The following PCDHGA1 variants were observed in gnomAD, a reference collection of about 807,000 sequenced individuals.
PCDHGA1 encodes the protein protocadherin gamma-A1.
In PCDHGA1, 32 loss-of-function variants were observed where a neutral mutation model predicts 58.0. That is an observed-to-expected ratio of 0.55 (90% CI 0.42 to 0.74). The LOEUF is 0.74. PCDHGA1 is among the 30% of genes least tolerant of loss of function. The pLI is 0.00. For synonymous variants in PCDHGA1, 498 were observed against 501.1 expected (o/e 0.99, Z 0.08); for missense variants, 1,205 against 1,182.3 (o/e 1.02, Z -0.28).
At chr5:141,370,718 G>C (rs752810801) in intron 1 of PCDHGA1, 2 of 1,613,818 alleles carry the variant, frequency 1.2e-6, no homozygotes, top group Non-Finnish European at 1.7e-6. Context: ...AATTTGAAAT[G>C]GTTGCTGAAA....
intron 1 of PCDHGA1, among the ~76,000 whole-genome samples, chr5:141,474,311 G>T (rs1374954373): frequency 1.3e-5 from 2 of 152,134 alleles, no homozygotes. Context: ...AAACTTTAAT[G>T]TGTTTTCAAA....
intron 1 of PCDHGA1, chr5:141,383,516 G>A (rs757438983): frequency 3.0e-5 from 49 of 1,612,406 alleles, no homozygotes; most frequent in Non-Finnish European, 3.6e-5. Flanking sequence ...GAGGAAGAGC[G>A]GGTTCACCAC....
chr5:141,399,853 C>G, intron 1 of PCDHGA1: 1 of 1,612,978 alleles, frequency 6.2e-7, no homozygotes, highest in Non-Finnish European at 8.5e-7. Flanking sequence ...TATGGTGCCG[C>G]GCGCTGCAGA....
At chr5:141,365,532 A>G in intron 1 of PCDHGA1, 1 of 1,613,862 alleles carries the variant, frequency 6.2e-7, no homozygotes, top group Non-Finnish European at 8.5e-7. Context: ...GTTGATAATT[A>G]CTATCACCTA....
At chr5:141,442,294 C>A (rs1194203452) in intron 1 of PCDHGA1, 1 of 152,584 alleles carries the variant, frequency 6.6e-6, no homozygotes, top group Admixed American at 6.5e-5. Context: ...ATGATCCTGT[C>A]TGAGTCTTTC....
At chr5:141,364,396 G>T in intron 1 of PCDHGA1, 3 of 1,604,434 alleles carry the variant, frequency 1.9e-6, no homozygotes, top group Non-Finnish European at 2.6e-6. Context: ...TCCTGGGGAC[G>T]CTGTGCGAGC....
At chr5:141,353,287 T>C (rs747205699) in intron 1 of PCDHGA1, among the ~76,000 whole-genome samples, 3 of 152,228 alleles carry the variant, frequency 2.0e-5, no homozygotes, top group Non-Finnish European at 4.4e-5. Flanking sequence ...GTCATTTTAT[T>C]CTTAGCTCTT....
At chr5:141,420,211 T>C (rs759486952) in intron 1 of PCDHGA1, 11 of 1,612,388 alleles carry the variant, frequency 6.8e-6, no homozygotes, top group African/African-American at 1.3e-5. Context: ...TCAACAAAGA[T>C]AGCATGCTAC....
intron 1 of PCDHGA1, chr5:141,427,590 C>A: frequency 1.5e-6 from 1 of 679,008 alleles, no homozygotes; most frequent in Non-Finnish European, 2.7e-6. Flanking sequence ...CAGCACAAGC[C>A]TCACCCTACG....
Position 141,417,739 on chromosome 5 carries a change from C to G in PCDHGA1, c.2422-77068C>G, listed in dbSNP as rs1002260902. On this transcript the variant is annotated intron_variant, in intron 1 of 3. Transcript: ENST00000517417. The stretch of plus-strand genomic sequence containing the variant: ...GGCTGCGCAGACCTTGCCCAGCACA[C>G]CAGATTGCCAGCTCCGAGACCCGGG... 1.6e-5 allele frequency: 22 copies of G among 1,411,706 alleles called. No homozygotes were observed. In the African/African-American group the frequency reaches 1.7e-4, roughly 11 times the overall value. The allele number at this position is 1,411,706 out of a possible 1,614,324, so 87.4% of individuals were successfully genotyped here.
At chr5:141,375,396 T>C (rs962120197) in intron 1 of PCDHGA1, 56 of 1,613,744 alleles carry the variant, frequency 3.5e-5, no homozygotes, top group Non-Finnish European at 4.6e-5. Context: ...GAAACAATCA[T>C]CTCTCTAAAT....
At position 141,491,711 on chromosome 5, in the gene PCDHGA1, C is replaced by T. The variant is rs528931820; in HGVS notation, c.2422-3096C>T. 1.5e-5 allele frequency: 24 copies of T among 1,609,240 alleles called. No homozygotes were observed. In the African/African-American group the frequency reaches 1.7e-4, roughly 12 times the overall value. On this transcript the variant is annotated intron_variant, in intron 1 of 3. Transcript: ENST00000517417. This position sits in a 1 kb window ranked among gnomAD's most constrained non-coding sequence, Gnocchi z 6.9. ...CGGGAGCGGAGCCAGGTGAGGGGCT[C>T]GGCGCCGCCCCGGGCGACCCCTGGG... is the stretch of plus-strand genomic sequence containing the variant.
chr5:141,386,098 G>A (rs1384243905), intron 1 of PCDHGA1: 3 of 152,228 alleles, frequency 2.0e-5, no homozygotes, highest in Non-Finnish European at 4.4e-5. Flanking sequence ...GATGAAGTGT[G>A]TCTGTGGGCT....
In PCDHGA1 at chr5:141,486,890, G is replaced by T; in HGVS notation, c.2422-7917G>T. On this transcript the variant is annotated intron_variant, in intron 1 of 3. Coordinates refer to ENST00000517417, the MANE Select transcript of PCDHGA1 (RefSeq NM_018912.3). The surrounding 1 kb of genome is among the most constrained non-coding windows in gnomAD (Gnocchi z 5.0). ...TGTGCTCCGTCCTCGGGCCCGGCCT[G>T]GTTCCTTATGTCCCCAAGCACTGCC... 6.2e-7 allele frequency: 1 copy of T among 1,614,242 alleles called. No individual in the cohort carries two copies. The highest frequency in any genetic ancestry group is 8.5e-7 in the Non-Finnish European group (1 of 1,180,048).
intron 2 of PCDHGA1, among the ~76,000 whole-genome samples, chr5:141,499,496 T>C (rs1167360015): frequency 6.6e-6 from 1 of 152,182 alleles, no homozygotes; most frequent in East Asian, 1.9e-4. Flanking sequence ...CAGTTTAATA[T>C]GAAACATTTC....
At chr5:141,445,805 A>G (rs2098478274) in intron 1 of PCDHGA1, among the ~76,000 whole-genome samples, 2 of 152,236 alleles carry the variant, frequency 1.3e-5, no homozygotes, top group South Asian at 4.1e-4. Flanking sequence ...GAAAATAAAT[A>G]GATGAAACTA....
At chr5:141,359,052 T>TCACATA (rs1024764249) in intron 1 of PCDHGA1, among the ~76,000 whole-genome samples, 3 of 152,256 alleles carry the variant, frequency 2.0e-5, no homozygotes, top group African/African-American at 7.2e-5. Context: ...CTGTGGAATA[T>TCACATA]GCCTCAATTT....
intron 1 of PCDHGA1, chr5:141,422,122 A>G (rs758254144): frequency 6.2e-7 from 1 of 1,601,596 alleles, no homozygotes; most frequent in African/African-American, 1.4e-5. Context: ...GGATTCACAA[A>G]CTGGAGAAGT....
intron 1 of PCDHGA1, among the ~76,000 whole-genome samples, chr5:141,465,307 T>C (rs2099100636): frequency 6.6e-6 from 1 of 152,218 alleles, no homozygotes; most frequent in Non-Finnish European, 1.5e-5. Context: ...CCTGGGAATT[T>C]AGCCATGTCA....
Sources: allele counts gnomAD v4.1 joint callset (sites outside exome capture counted in the v4.1 genomes callset), GRCh38; gene constraint gnomAD v4.1.1; non-coding constraint Gnocchi (gnomAD v3.1); transcripts MANE v1.5; gene names NCBI Gene and HGNC (gene_info 2026-07-23, HGNC 2026-07-21).